SHC4: variants seen among roughly 807,000 people sequenced by gnomAD.
SHC4 encodes SHC-transforming protein 4.
In SHC4, 41 loss-of-function variants were observed where a neutral mutation model predicts 69.4. The observed-to-expected ratio is 0.59, with a 90% CI of 0.46 to 0.77. The LOEUF (loss-of-function observed/expected upper bound fraction) is 0.77, where lower values mean the gene tolerates loss of function less well. SHC4 is among the 30% of genes least tolerant of loss of function. The pLI, the probability that SHC4 is intolerant of heterozygous loss-of-function variation, is 0.00. For missense variants in SHC4, 777 were observed against 783.8 expected (o/e 0.99, Z 0.10); for synonymous variants, 318 against 299.3 (o/e 1.06, Z -0.64).
intron 4 of SHC4, among the ~76,000 whole-genome samples, chr15:48,873,559 A>G (rs1347788429): frequency 6.6e-6 from 1 of 152,178 alleles, no homozygotes; most frequent in Non-Finnish European, 1.5e-5. Context: ...CCTAGCTAAC[A>G]CAGTGAAACC....
chr15:48,873,369 A>G lies in SHC4; in HGVS notation c.841-1227T>C, dbSNP rs374787871. On this transcript the variant is annotated intron_variant, in intron 4 of 11. Transcript: ENST00000332408. ...GTTCATTTTGTGATAATTATTACGG[A>G]CTTATTATCTGTGTACTTGTCTACA... Among the ~76,000 whole-genome samples the G allele has an allele frequency of 9.8e-5, 15 of 152,332 alleles. No homozygotes were observed. The East Asian group carries it at 2.5e-3, about 25-fold the overall frequency.
intron 10 of SHC4, among the ~76,000 whole-genome samples, chr15:48,843,038 TTGAGA>T (rs1203605758): frequency 2.6e-5 from 4 of 152,222 alleles, no homozygotes; most frequent in Non-Finnish European, 5.9e-5. Context: ...ATTAAGGATC[TTGAGA>T]TGAGATTAGT....
intron 9 of SHC4, among the ~76,000 whole-genome samples, chr15:48,848,270 C>T (rs192490160): frequency 6.6e-6 from 1 of 152,090 alleles, no homozygotes; most frequent in East Asian, 1.9e-4. Context: ...CTCACCGGAA[C>T]TCAGAAATGG....
intron 1 of SHC4, among the ~76,000 whole-genome samples, chr15:48,940,124 A>G (rs964394628): frequency 4.6e-5 from 7 of 152,312 alleles, no homozygotes; most frequent in Middle Eastern, 6.8e-3. Flanking sequence ...CAACATATCC[A>G]CCATCAAGTT....
At chr15:48,867,382 T>G (rs1899583258) in intron 6 of SHC4, among the ~76,000 whole-genome samples, 2 of 152,066 alleles carry the variant, frequency 1.3e-5, no homozygotes, top group Admixed American at 1.3e-4. Flanking sequence ...AAGTCAAGCA[T>G]TCAAAGAGAT....
Position 48,962,774 on chromosome 15 carries a change from G to T in SHC4, c.242C>A (p.Thr81Asn), listed in dbSNP as rs761924489. ...GCGGGGGATCAAGGTGCACAGTGGG[G>T]TGGGGCTCTCCTGCGACGGCAAGGT... ...DATLPSQESP[T>N]PLCTLIPRMA... The change falls in exon 1 of 12, where the codon ACC (threonine) becomes AAC (asparagine). Residue 81 changes from threonine (T) to asparagine (N), a missense_variant. Transcript: ENST00000332408. The T allele has an allele frequency of 5.6e-6, 9 of 1,612,738 alleles. No individual in the cohort carries two copies. In the Admixed American group the frequency reaches 1.5e-4, roughly 27 times the overall value.
intron 6 of SHC4, among the ~76,000 whole-genome samples, chr15:48,866,566 T>C (rs1899563516): frequency 6.6e-6 from 1 of 152,182 alleles, no homozygotes; most frequent in African/African-American, 2.4e-5. Context: ...CCAATCTGTC[T>C]AAACTCTACT....
rs771130727 is a variant in SHC4 at position 48,851,191 on chromosome 15, T to C, written c.1300A>G (p.Ile434Val). The C allele has an allele frequency of 1.7e-5, 28 of 1,613,806 alleles. No individual in the cohort carries two copies. Among genetic ancestry groups the C allele is most frequent in the Non-Finnish European group, 2.3e-5 (27 of 1,179,846 alleles). ...YENCLEQSRA[I>V]GNVHPRGVQS... is the part of the protein sequence containing the mutation. Reference sequence around the variant, plus strand: ...TGGAGAAGGGCATTGTACCTACCTATTGCCCTGCTTTGTTCTAAACAGTTC... The same window carrying C: ...TGGAGAAGGGCATTGTACCTACCTACTGCCCTGCTTTGTTCTAAACAGTTC... Residue 434 changes from isoleucine (I) to valine (V), a missense_variant, in exon 9 of 12, where the codon ATA (isoleucine) becomes GTA (valine). Coordinates refer to ENST00000332408, the MANE Select transcript of SHC4 (RefSeq NM_203349.4).
In SHC4 at chr15:48,828,662, GTTA is replaced by G. The variant is rs1363936678; in HGVS notation, c.1738-2539_1738-2537del. On this transcript the variant is annotated intron_variant, in intron 11 of 11. Transcript: ENST00000332408. ...ATTCTTCATATCCTTGCGAACACCT[GTTA>G]TTTTCTTCCTCTTTTTAAAAAAATA... 3.9e-5 allele frequency among the ~76,000 whole-genome samples: 6 copies of G among 152,060 alleles called. 1 individual carries two copies. Among genetic ancestry groups the G allele is most frequent in the Non-Finnish European group, 7.4e-5 (5 of 67,992 alleles).
At chr15:48,911,700 T>A (rs1180069489) in intron 2 of SHC4, among the ~76,000 whole-genome samples, 1 of 152,216 alleles carries the variant, frequency 6.6e-6, no homozygotes, top group East Asian at 1.9e-4. Context: ...CCTGTGTGAT[T>A]TATGCTTTAA....
At chr15:48,865,575 T>C (rs1225827366) in intron 6 of SHC4, among the ~76,000 whole-genome samples, 1 of 152,170 alleles carries the variant, frequency 6.6e-6, no homozygotes, top group Non-Finnish European at 1.5e-5. Context: ...AGGTTTGAGG[T>C]TGTGAAACAA....
intron 1 of SHC4, among the ~76,000 whole-genome samples, chr15:48,953,426 C>A (rs1322436574): frequency 2.0e-5 from 3 of 151,884 alleles, no homozygotes; most frequent in Non-Finnish European, 4.4e-5. Context: ...TAAAAAAAAA[C>A]AAACACTGTG....
chr15:48,906,231 T>C (rs759997160), intron 2 of SHC4, among the ~76,000 whole-genome samples: 95 of 152,222 alleles, frequency 6.2e-4, no homozygotes, highest in Non-Finnish European at 1.5e-4. Context: ...AACTATGTTC[T>C]ACAATTAACT....
chr15:48,910,328 G>C (rs1255135457), intron 2 of SHC4, among the ~76,000 whole-genome samples: 1 of 151,890 alleles, frequency 6.6e-6, no homozygotes, highest in East Asian at 1.9e-4. Flanking sequence ...TCTCTTCTAG[G>C]TTTTCTAGTT....
At chr15:48,877,962 A>C (rs1189842915) in intron 4 of SHC4, 1 of 519,392 alleles carries the variant, frequency 1.9e-6, no homozygotes, top group Non-Finnish European at 3.3e-6. Context: ...GTTCGAATCG[A>C]TGGAAACGTA....
At chr15:48,849,080 T>A (rs1899152122) in intron 9 of SHC4, among the ~76,000 whole-genome samples, 1 of 152,180 alleles carries the variant, frequency 6.6e-6, no homozygotes, top group Non-Finnish European at 1.5e-5. Flanking sequence ...TGGGCAGGAC[T>A]GAACATTTTG....
intron 1 of SHC4, among the ~76,000 whole-genome samples, chr15:48,932,531 G>A (rs1900984901): frequency 6.6e-6 from 1 of 152,010 alleles, no homozygotes; most frequent in African/African-American, 2.4e-5. Context: ...TTTGCACTCT[G>A]GTCATTTGCC....
At chr15:48,962,295 T>C in intron 1 of SHC4, 136 bp downstream of exon 1, 1 of 888,742 alleles carries the variant, frequency 1.1e-6, no homozygotes, top group Non-Finnish European at 1.7e-6. Flanking sequence ...CCAGCTCCCC[T>C]CCGCCTTGGT....
chr15:48,878,819 G>A, intron 4 of SHC4: 1 of 1,388,594 alleles, frequency 7.2e-7, no homozygotes, highest in South Asian at 1.4e-5. Flanking sequence ...ATTCCAAATA[G>A]TTTTGTGCCA....
Sources: allele counts gnomAD v4.1 joint callset (sites outside exome capture counted in the v4.1 genomes callset), GRCh38; gene constraint gnomAD v4.1.1; transcripts MANE v1.5; gene names NCBI Gene and HGNC (gene_info 2026-07-23, HGNC 2026-07-21).